Variants in TBCEL observed in about 807,000 individuals in gnomAD.
The protein encoded by TBCEL is tubulin folding cofactor E like.
A neutral mutation model predicts 44.2 loss-of-function variants in TBCEL; 15 were observed. The ratio of observed to expected loss-of-function variants is 0.34; its 90% confidence interval spans 0.23 to 0.52. TBCEL has a LOEUF of 0.52. TBCEL is among the 20% of genes least tolerant of loss of function. The pLI, the probability that TBCEL is intolerant of heterozygous loss-of-function variation, is 0.95. For missense variants in TBCEL, 319 were observed against 506.3 expected (o/e 0.63, Z 3.55); for synonymous variants, 171 against 185.4 (o/e 0.92, Z 0.63).
rs531900128 is a variant in TBCEL at position 121,041,259 on chromosome 11, G to C, written c.-17-4415G>C. Among the ~76,000 whole-genome samples the C allele has an allele frequency of 2.2e-4, 33 of 152,238 alleles. No individual in the cohort carries two copies. In the South Asian group the frequency reaches 6.8e-3, roughly 32 times the overall value. ...GGAACATAAAGTACAAATTGTTTGC[G>C]TACTTAACCTCAGTAGTGGTTAAGG... is the stretch of plus-strand genomic sequence containing the variant. On this transcript the variant is annotated intron_variant, in intron 2 of 8. Transcript: ENST00000683345.
chr11:121,025,731 A>AT (rs1555112637), intron 1 of TBCEL, among the ~76,000 whole-genome samples: 1 of 145,452 alleles, frequency 6.9e-6, no homozygotes, highest in Non-Finnish European at 1.5e-5. Context: ...TTTTTTTTTT[A>AT]TTTTATTTTG....
chr11:121,081,133 A>C (rs1369343445), intron 8 of TBCEL, among the ~76,000 whole-genome samples: 1 of 152,158 alleles, frequency 6.6e-6, no homozygotes, highest in Admixed American at 6.6e-5. Flanking sequence ...AGGGGGAAAA[A>C]ACACACCAGT....
chr11:121,033,080 A>G (rs1390322073), intron 1 of TBCEL, among the ~76,000 whole-genome samples: 2 of 152,220 alleles, frequency 1.3e-5, no homozygotes, highest in African/African-American at 2.4e-5. Context: ...GAATAATGCT[A>G]TGAATCTTTG....
intron 8 of TBCEL, among the ~76,000 whole-genome samples, chr11:121,072,307 A>G (rs777495310): frequency 2.6e-5 from 4 of 152,182 alleles, no homozygotes; most frequent in Non-Finnish European, 2.9e-5. Context: ...TGTTTTGGCC[A>G]GGGCAAGGGG....
chr11:121,057,678 G>A lies in TBCEL; in HGVS notation c.713-667G>A, dbSNP rs565621310. Reference sequence around the variant, plus strand: ...TTGTCATTATTCCCTAAACAATACAGTATCACAATTATTTACATTGTATTA... The same window carrying A: ...TTGTCATTATTCCCTAAACAATACAATATCACAATTATTTACATTGTATTA... On this transcript the variant is annotated intron_variant, in intron 6 of 8. Coordinates refer to ENST00000683345, the MANE Select transcript of TBCEL (RefSeq NM_001363644.2). 32 of 447,202 alleles carry A rather than the reference G, an allele frequency of 7.2e-5. No homozygotes were observed. The East Asian group carries it at 1.5e-3, about 22-fold the overall frequency. The allele number at this position is 447,202 out of a possible 1,614,324, so 27.7% of individuals were successfully genotyped here.
chr11:121,048,368 T>C (rs546008287), intron 4 of TBCEL, among the ~76,000 whole-genome samples: 5 of 151,924 alleles, frequency 3.3e-5, no homozygotes, highest in Non-Finnish European at 7.4e-5. Context: ...ACTACACACA[T>C]AGTTTGTAAA....
At chr11:121,066,110 A>C (rs1278146493) in intron 8 of TBCEL, among the ~76,000 whole-genome samples, 5 of 152,244 alleles carry the variant, frequency 3.3e-5, no homozygotes, top group Admixed American at 3.3e-4. Context: ...AGCAGGATTG[A>C]TGGGAAGCAG....
At chr11:121,045,944 C>G in intron 3 of TBCEL, 121 bp downstream of exon 3, 1 of 1,130,444 alleles carries the variant, frequency 8.8e-7, no homozygotes, top group Non-Finnish European at 1.2e-6. Flanking sequence ...TAGTCTTTCC[C>G]CCTTGTTATG....
intron 8 of TBCEL, among the ~76,000 whole-genome samples, chr11:121,062,011 AC>A (rs1199546846): frequency 6.6e-6 from 1 of 152,128 alleles, no homozygotes; most frequent in Admixed American, 6.5e-5. Flanking sequence ...GTACAGCTGT[AC>A]CAAAGCATTT....
chr11:121,084,209 A>G (rs981156367), intron 8 of TBCEL, among the ~76,000 whole-genome samples: 1 of 152,120 alleles, frequency 6.6e-6, no homozygotes, highest in Non-Finnish European at 1.5e-5. Flanking sequence ...CATTCAAACC[A>G]AAGCACTAGG....
intron 8 of TBCEL, among the ~76,000 whole-genome samples, chr11:121,070,400 A>G (rs1268987328): frequency 6.6e-6 from 1 of 152,194 alleles, no homozygotes; most frequent in Non-Finnish European, 1.5e-5. Flanking sequence ...AGACACATGC[A>G]CATGTATGTT....
At chr11:121,066,745 T>C (rs1024697187) in intron 8 of TBCEL, among the ~76,000 whole-genome samples, 4 of 152,218 alleles carry the variant, frequency 2.6e-5, no homozygotes, top group Non-Finnish European at 5.9e-5. Context: ...ATTATACTTA[T>C]CTCTTTCTCT....
chr11:121,048,130 T>C (rs1308065158), intron 4 of TBCEL, among the ~76,000 whole-genome samples: 1 of 151,890 alleles, frequency 6.6e-6, no homozygotes, highest in East Asian at 1.9e-4. Flanking sequence ...TAACAGTGCA[T>C]TAAATTTTCT....
intron 8 of TBCEL, among the ~76,000 whole-genome samples, chr11:121,062,540 T>G (rs766139051): frequency 1.3e-5 from 2 of 152,164 alleles, no homozygotes; most frequent in African/African-American, 2.4e-5. Flanking sequence ...ACCACTGTTG[T>G]ATCTGTGGTC....
chr11:121,068,558 G>A (rs1945865284), intron 8 of TBCEL, among the ~76,000 whole-genome samples: 1 of 151,954 alleles, frequency 6.6e-6, no homozygotes, highest in Admixed American at 6.6e-5. Flanking sequence ...TCTCATAGCA[G>A]CCTGTTTCTA....
At chr11:121,067,860 C>A (rs1945849037) in intron 8 of TBCEL, among the ~76,000 whole-genome samples, 1 of 152,194 alleles carries the variant, frequency 6.6e-6, no homozygotes. Flanking sequence ...TTACTGAATA[C>A]CTACTAAGGA....
intron 2 of TBCEL, among the ~76,000 whole-genome samples, chr11:121,044,883 A>G (rs1195344612): frequency 6.6e-6 from 1 of 152,142 alleles, no homozygotes; most frequent in Non-Finnish European, 1.5e-5. Context: ...AGGTAACTAA[A>G]AAATTGAGAA....
intron 8 of TBCEL, among the ~76,000 whole-genome samples, chr11:121,061,019 A>C (rs1445319074): frequency 1.3e-5 from 2 of 152,046 alleles, no homozygotes; most frequent in African/African-American, 4.8e-5. Context: ...AGTCTCAATC[A>C]GTGTCATATA....
chr11:121,035,122 G>A (rs935242488), intron 1 of TBCEL: 13 of 152,198 alleles, frequency 8.5e-5, no homozygotes, highest in Admixed American at 8.5e-4. Context: ...AAGTGATGAT[G>A]GTAGTAGTAA....
Sources: gnomAD v4.1 joint callset for allele counts (sites outside exome capture counted in the v4.1 genomes callset) on GRCh38, gnomAD v4.1.1 for gene constraint, MANE v1.5 for transcripts, NCBI Gene and HGNC (gene_info 2026-07-23, HGNC 2026-07-21) for gene names.